Variants in PLCB1 observed in about 807,000 individuals in gnomAD.
The protein encoded by PLCB1 is 1-phosphatidylinositol 4,5-bisphosphate phosphodiesterase beta-1.
Under a neutral mutation model 161.8 loss-of-function variants are expected in PLCB1, and 46 were observed. The observed-to-expected ratio is 0.28, with a 90% CI of 0.22 to 0.36. PLCB1 has a LOEUF of 0.36. Ranked by LOEUF, PLCB1 falls within the 10% of genes least tolerant of loss-of-function variation. The probability of loss-of-function intolerance (pLI) is 1.00; values close to 1 mark genes in which losing one functional copy is unlikely to be tolerated. For missense variants in PLCB1, 1,016 were observed against 1,472.5 expected, an observed-to-expected ratio of 0.69 and a Z score of 5.07; for synonymous variants, 517 against 503.7, an observed-to-expected ratio of 1.03 and a Z score of -0.35.
At chr20:8,417,067 A>T (rs1979319597) in intron 3 of PLCB1, among the ~76,000 whole-genome samples, 1 of 95,816 alleles carries the variant, frequency 1.0e-5, no homozygotes, top group Non-Finnish European at 2.1e-5. Context: ...ATATATATAT[A>T]TATATATTTT....
At chr20:8,302,863 A>G (rs1390773003) in intron 2 of PLCB1, among the ~76,000 whole-genome samples, 1 of 152,180 alleles carries the variant, frequency 6.6e-6, no homozygotes, top group East Asian at 1.9e-4. Flanking sequence ...ATATTATATT[A>G]TACCACAATA....
intron 10 of PLCB1, among the ~76,000 whole-genome samples, chr20:8,694,838 A>G (rs1990552338): frequency 6.6e-6 from 1 of 152,158 alleles, no homozygotes; most frequent in Non-Finnish European, 1.5e-5. Context: ...TACCGGTGCA[A>G]TTTTCTGCAG....
chr20:8,867,289 C>G (rs1039421647), intron 31 of PLCB1, among the ~76,000 whole-genome samples: 1 of 152,210 alleles, frequency 6.6e-6, no homozygotes, highest in Non-Finnish European at 1.5e-5. Context: ...AGGACCCCCA[C>G]AGGAAAAAGC....
chr20:8,630,001 TC>T, intron 4 of PLCB1, among the ~76,000 whole-genome samples: 1 of 125,414 alleles, frequency 8.0e-6, no homozygotes. Context: ...TTTCTTTCTT[TC>T]TTTCTTTCTC....
At chr20:8,772,428 ACTG>A (rs1013643395) in intron 26 of PLCB1, among the ~76,000 whole-genome samples, 6 of 152,140 alleles carry the variant, frequency 3.9e-5, no homozygotes, top group African/African-American at 1.4e-4. Flanking sequence ...AAGTTGCACT[ACTG>A]CACCTCCATG....
At chr20:8,447,985 T>G (rs1377057176) in intron 3 of PLCB1, among the ~76,000 whole-genome samples, 1 of 152,264 alleles carries the variant, frequency 6.6e-6, no homozygotes, top group African/African-American at 2.4e-5. Flanking sequence ...GCAAAGGTCC[T>G]GAGACACATT....
intron 31 of PLCB1, among the ~76,000 whole-genome samples, chr20:8,798,100 G>T (rs998354): frequency 0.62 from 93,623 of 151,734 alleles, 30,504 homozygotes; most frequent in East Asian, 0.71. Context: ...TGGAGGCTAA[G>T]GTGGGAGAAT....
intron 3 of PLCB1, among the ~76,000 whole-genome samples, chr20:8,555,788 C>T (rs1234080524): frequency 6.6e-6 from 1 of 152,028 alleles, no homozygotes; most frequent in Non-Finnish European, 1.5e-5. Flanking sequence ...AATTGCTTGA[C>T]TTGGAGGAGA....
At position 8,433,583 on chromosome 20, in the gene PLCB1, A is replaced by G. The variant is rs1039417372; in HGVS notation, c.246+62133A>G. Among the ~76,000 whole-genome samples the G allele has an allele frequency of 1.4e-4, 20 of 147,216 alleles. 3 individuals carry two copies. Among genetic ancestry groups the G allele is most frequent in the African/African-American group, 4.6e-4 (18 of 38,902 alleles). ...GCCTGTTTTCTGGGTTGTAAATGCA[A>G]GTAATAAAAGTAACTGCCTCATAGG... On this transcript the variant is annotated intron_variant, in intron 3 of 31. Transcript: ENST00000338037.
At chr20:8,635,998 T>C (rs1215397943) in intron 4 of PLCB1, among the ~76,000 whole-genome samples, 3 of 152,230 alleles carry the variant, frequency 2.0e-5, no homozygotes, top group African/African-American at 7.2e-5. Flanking sequence ...AATGTGTGCT[T>C]TATCTCGTTT....
intron 3 of PLCB1, among the ~76,000 whole-genome samples, chr20:8,550,791 A>G (rs1427336663): frequency 6.6e-6 from 1 of 152,186 alleles, no homozygotes; most frequent in East Asian, 1.9e-4. Context: ...ATTAAAAAGT[A>G]TAACTCCTAG....
At chr20:8,594,967 G>A (rs543215841) in intron 3 of PLCB1, among the ~76,000 whole-genome samples, 11 of 152,168 alleles carry the variant, frequency 7.2e-5, no homozygotes, top group Admixed American at 5.9e-4. Flanking sequence ...TTCTAACACC[G>A]AGGTGCCTTT....
intron 3 of PLCB1, among the ~76,000 whole-genome samples, chr20:8,447,535 T>C (rs1431771982): frequency 2.6e-5 from 4 of 152,214 alleles, no homozygotes; most frequent in African/African-American, 4.8e-5. Context: ...CAATTCAGTT[T>C]ATGGACAAAC....
intron 22 of PLCB1, 124 bp downstream of exon 22, chr20:8,740,572 C>T (rs45525439): frequency 9.8e-4 from 513 of 521,626 alleles, no homozygotes; most frequent in African/African-American, 8.9e-3. Flanking sequence ...GCTTCAGAAT[C>T]ACCCCTACTT....
intron 2 of PLCB1, among the ~76,000 whole-genome samples, chr20:8,276,990 TTA>T (rs1982606497): frequency 9.2e-6 from 1 of 108,360 alleles, no homozygotes; most frequent in East Asian, 2.6e-4. Context: ...CTTCTTCTTA[TTA>T]TTATTATTAT....
At chr20:8,629,974 CT>C (rs1174087987) in intron 4 of PLCB1, among the ~76,000 whole-genome samples, 8 of 26,974 alleles carry the variant, frequency 3.0e-4, no homozygotes, top group African/African-American at 9.7e-4. Context: ...TTCTTTCTTT[CT>C]TTCTTTCTTT....
In PLCB1 at chr20:8,515,224, A is replaced by G. The variant is rs144831635; in HGVS notation, c.247-113070A>G. Among the ~76,000 whole-genome samples the G allele has an allele frequency of 3.8e-3, 586 of 152,338 alleles. 4 individuals are homozygous for G. Among genetic ancestry groups the G allele is most frequent in the African/African-American group, 0.013 (523 of 41,562 alleles). ...TTACTGTTTCTGTTCTAAACTGGCT[A>G]TAATAGCCCTTCAATTATAGAGCTG... On this transcript the variant is annotated intron_variant, in intron 3 of 31. Transcript: ENST00000338037.
At chr20:8,376,744 C>G (rs1324966408) in intron 3 of PLCB1, among the ~76,000 whole-genome samples, 1 of 151,852 alleles carries the variant, frequency 6.6e-6, no homozygotes, top group African/African-American at 2.4e-5. Flanking sequence ...CTGGCTAACA[C>G]AGTGAAACCC....
intron 3 of PLCB1, among the ~76,000 whole-genome samples, chr20:8,618,764 G>A (rs373176498): frequency 3.3e-5 from 5 of 152,022 alleles, no homozygotes; most frequent in South Asian, 2.1e-4. Flanking sequence ...TATTGAAGAC[G>A]GGGCTTATTT....
Sources: gnomAD v4.1 joint callset for allele counts (sites outside exome capture counted in the v4.1 genomes callset) on GRCh38, gnomAD v4.1.1 for gene constraint, MANE v1.5 for transcripts, NCBI Gene and HGNC (gene_info 2026-07-23, HGNC 2026-07-21) for gene names.